Variants in MYH15 observed in about 807,000 individuals in gnomAD.
The protein encoded by MYH15 is myosin-15.
A neutral mutation model predicts 240.5 loss-of-function variants in MYH15; 227 were observed. The ratio of observed to expected loss-of-function variants is 0.94; its 90% confidence interval spans 0.85 to 1.05. The LOEUF (loss-of-function observed/expected upper bound fraction) is 1.05. MYH15 is among the 50% of genes least tolerant of loss of function. The probability of loss-of-function intolerance (pLI) is 0.00; values close to 1 mark genes in which losing one functional copy is unlikely to be tolerated. For synonymous variants in MYH15, 785 were observed against 796.7 expected (o/e 0.99, Z 0.25); for missense variants, 2,217 against 2,247.5 (o/e 0.99, Z 0.27).
At position 108,499,376 on chromosome 3, in the gene MYH15, T is replaced by G; in HGVS notation, c.524+79A>C. On this transcript the variant is annotated intron_variant, in intron 5 of 40. Coordinates refer to ENST00000693548, the MANE Select transcript of MYH15 (RefSeq NM_014981.3). ...AATTCAAAGATGGCGAATCAAAGTT[T>G]TATTCCCAGTGAAATGGAGGTATCT... 3 of 1,415,976 alleles carry G rather than the reference T, an allele frequency of 2.1e-6. No individual in the cohort carries two copies. In the Middle Eastern group the frequency reaches 5.3e-4, roughly 249 times the overall value. 87.7% of individuals were successfully genotyped at this position (1,415,976 alleles called of 1,614,324 possible). A position where few individuals can be genotyped will look rare whatever the true frequency, so the allele number is the denominator to read the frequency against.
intron 11 of MYH15, among the ~76,000 whole-genome samples, chr3:108,483,855 T>C (rs1443318302): frequency 1.3e-5 from 2 of 152,218 alleles, no homozygotes; most frequent in African/African-American, 4.8e-5. Context: ...TCAAATATTG[T>C]ATGATTACAC....
chr3:108,546,411 G>A, the MYH15 span, among the ~76,000 whole-genome samples: 6 of 152,150 alleles, frequency 3.9e-5, no homozygotes, highest in African/African-American at 7.2e-5. Context: ...ATGTAATGGA[G>A]AGGCAAAATC....
rs11303627 is a variant in MYH15 at position 108,460,372 on chromosome 3, CAA to C, written c.1865-7_1865-6del. Reference sequence around the variant, plus strand: ...TCTTCTCCCCAAATGGTATAGCTAGCAAAAAAAAAAAAAGAAAAAGATGAAAA... The same window carrying C: ...TCTTCTCCCCAAATGGTATAGCTAGCAAAAAAAAAAAGAAAAAGATGAAAA... On this transcript the variant is annotated splice_polypyrimidine_tract_variant and splice_region_variant and intron_variant, in intron 16 of 40. Transcript: ENST00000693548. 0.048 allele frequency: 58,505 copies of C among 1,224,544 alleles called. No homozygotes were observed. Among genetic ancestry groups the C allele is most frequent in the East Asian group, 0.15 (3,881 of 26,158 alleles). The allele number at this position is 1,224,544 out of a possible 1,614,324, so 75.9% of individuals were successfully genotyped here. A position where few individuals can be genotyped will look rare whatever the true frequency, so the allele number is the denominator to read the frequency against.
At chr3:108,455,458 C>T (rs1210609956) in intron 20 of MYH15, among the ~76,000 whole-genome samples, 1 of 152,220 alleles carries the variant, frequency 6.6e-6, no homozygotes, top group Non-Finnish European at 1.5e-5. Context: ...CACATTTTCT[C>T]ATAACATCAG....
chr3:108,497,987 A>G, intron 6 of MYH15, 65 bp downstream of exon 6: 2 of 1,431,232 alleles, frequency 1.4e-6, no homozygotes, highest in African/African-American at 2.8e-5. Flanking sequence ...TGGTCCGGAC[A>G]CAACCTCCAT....
At chr3:108,429,289 G>A (rs897966644) in intron 26 of MYH15, among the ~76,000 whole-genome samples, 9 of 151,992 alleles carry the variant, frequency 5.9e-5, no homozygotes, top group Non-Finnish European at 1.3e-4. Context: ...TCTAGGACTT[G>A]GGCAAAAATC....
chr3:108,497,945 C>G, intron 6 of MYH15, 107 bp downstream of exon 6: 1 of 863,188 alleles, frequency 1.2e-6, no homozygotes. Context: ...TGCAAATTGT[C>G]CTGTGGTGCT....
Position 108,428,637 on chromosome 3 carries a change from T to C in MYH15, c.3557A>G (p.Lys1186Arg). The change falls in exon 27 of 41, where the codon AAG becomes AGG. Residue 1186 changes from lysine to arginine, a missense_variant. Physicochemically the swap from Lys to Arg is conservative, Grantham distance 26. Coordinates refer to ENST00000693548, the MANE Select transcript of MYH15 (RefSeq NM_014981.3). ...CTCAGCCAGGCTGTCTGCATGTCTC[T>C]TCTTCAAAGATGCAGAAGTTGTCTC... Reference protein sequence around the residue: ...HFETTSASLKKRHADSLAELE... With the variant: ...HFETTSASLKRRHADSLAELE... 3 of 1,613,954 alleles carry C rather than the reference T, an allele frequency of 1.9e-6. No individual in the cohort carries two copies. The Admixed American group carries it at 5.0e-5, about 27-fold the overall frequency.
intron 23 of MYH15, among the ~76,000 whole-genome samples, chr3:108,440,186 A>G (rs2082873993): frequency 6.6e-6 from 1 of 152,226 alleles, no homozygotes; most frequent in Non-Finnish European, 1.5e-5. Context: ...ATTATTTAAC[A>G]TTATTAATAT....
intron 24 of MYH15, among the ~76,000 whole-genome samples, chr3:108,439,212 C>G (rs572793156): frequency 7.9e-4 from 121 of 152,300 alleles, no homozygotes; most frequent in African/African-American, 2.8e-3. Context: ...CTTTATTTCA[C>G]AGGGCATTTA....
chr3:108,388,854 G>A, intron 38 of MYH15, 116 bp downstream of exon 38: 1 of 783,562 alleles, frequency 1.3e-6, no homozygotes, highest in Non-Finnish European at 2.1e-6. Flanking sequence ...TGCTGAAGGA[G>A]AACAAAGATG....
rs2082448613 is a variant in MYH15, at chr3:108,394,969, TAGA to T, written c.5134-816_5134-814del. Among the ~76,000 whole-genome samples, 3 of 152,266 alleles carry T rather than the reference TAGA, an allele frequency of 2.0e-5. No homozygotes were observed. In the South Asian group the frequency reaches 6.2e-4, roughly 32 times the overall value. On this transcript the variant is annotated intron_variant, in intron 35 of 40. Coordinates refer to ENST00000693548, the MANE Select transcript of MYH15 (RefSeq NM_014981.3). ...CAGTAGCAGGATGAAGACTTGGAAA[TAGA>T]AGGATACTCCAGGCCAGGTGTGGTG...
chr3:108,500,580 A>G (rs192922270), intron 3 of MYH15, among the ~76,000 whole-genome samples: 3 of 152,256 alleles, frequency 2.0e-5, no homozygotes, highest in East Asian at 3.9e-4. Context: ...GTAACCAGCC[A>G]TCAGGCATTT....
chr3:108,495,807 G>T lies in MYH15; in HGVS notation c.684C>A (p.Thr228=). 1 of 1,611,512 alleles carries T rather than the reference G, an allele frequency of 6.2e-7. No individual in the cohort carries two copies. The highest frequency in any genetic ancestry group is 1.1e-5 in the South Asian group (1 of 90,500). ...TILEAFGNAK[T]LRNDNSSRFG... is the part of the protein sequence containing the mutation. ...AACGAGAGGAGTTGTCATTTCTCAGGGTTTTAGCATTTCCAAATGCTTCCA... is the reference window on the plus strand; with the variant it reads ...AACGAGAGGAGTTGTCATTTCTCAGTGTTTTAGCATTTCCAAATGCTTCCA... Residue 228 remains threonine (T), a synonymous_variant, in exon 7 of 41, where the codon ACC becomes ACA. Coordinates refer to ENST00000693548, the MANE Select transcript of MYH15 (RefSeq NM_014981.3).
At chr3:108,433,985 T>C (rs1355336948) in intron 25 of MYH15, among the ~76,000 whole-genome samples, 1 of 152,102 alleles carries the variant, frequency 6.6e-6, no homozygotes, top group East Asian at 1.9e-4. Context: ...CATGTAGCTG[T>C]AGAGTTTCAT....
intron 26 of MYH15, 48 bp downstream of exon 26, chr3:108,430,784 C>T (rs924187471): frequency 2.1e-6 from 3 of 1,408,988 alleles, no homozygotes; most frequent in Admixed American, 1.7e-5. Flanking sequence ...CCAGTCATCA[C>T]CCATGGATCT....
chr3:108,389,548 T>C (rs143930310), intron 37 of MYH15, among the ~76,000 whole-genome samples: 2 of 152,152 alleles, frequency 1.3e-5, no homozygotes, highest in Non-Finnish European at 2.9e-5. Flanking sequence ...CCTGCTGCCT[T>C]ATAGAGTTAC....
the MYH15 span, among the ~76,000 whole-genome samples, chr3:108,548,191 T>G: frequency 6.6e-6 from 1 of 152,118 alleles, no homozygotes; most frequent in Admixed American, 6.6e-5. Context: ...AAGGACTTAT[T>G]TTGTCAAAAT....
chr3:108,499,457 G>A lies in MYH15; in HGVS notation c.522C>T (p.Phe174=), dbSNP rs757643402. The stretch of plus-strand genomic sequence containing the variant: ...AGAAAAACAAGGCAAACACTTACGT[G>A]AAGAGTATAGACTGATTTTCTCGAT... ...LHNRENQSIL[F]TGESGAGKTV... Residue 174 remains phenylalanine (F), a splice_region_variant and synonymous_variant, in exon 5 of 41, where the codon TTC becomes TTT. Coordinates refer to ENST00000693548, the MANE Select transcript of MYH15 (RefSeq NM_014981.3). 9.9e-6 allele frequency: 16 copies of A among 1,613,028 alleles called. No homozygotes were observed. The highest frequency in any genetic ancestry group is 1.2e-5 in the Non-Finnish European group (14 of 1,179,696).
Sources: allele counts gnomAD v4.1 joint callset (sites outside exome capture counted in the v4.1 genomes callset), GRCh38; gene constraint gnomAD v4.1.1; transcripts MANE v1.5; gene names NCBI Gene and HGNC (gene_info 2026-07-23, HGNC 2026-07-21).